Variants in CAPRIN1 observed in about 807,000 individuals in gnomAD.
The protein encoded by CAPRIN1 is cell cycle associated protein 1, also known as caprin-1.
A neutral mutation model predicts 100.9 loss-of-function variants in CAPRIN1; 29 were observed. That is an observed-to-expected ratio of 0.29 (90% confidence interval 0.21 to 0.39). CAPRIN1 has a LOEUF of 0.39. CAPRIN1 is among the 10% of genes least tolerant of loss of function. The pLI is 1.00. For missense variants in CAPRIN1, 795 were observed against 876.7 expected (o/e 0.91, Z 1.18); for synonymous variants, 338 against 307.5 (o/e 1.10, Z -1.04).
rs565017042 is a variant in CAPRIN1, at chr11:34,080,081, G to A, written c.826+316G>A. On this transcript the variant is annotated intron_variant, in intron 7 of 18. Transcript: ENST00000341394. ...TGTGACTACAGGCGCCCGCCACCAC[G>A]CCCGGCTATTTTTTTGAATTTTTAG... Among the ~76,000 whole-genome samples the A allele has an allele frequency of 1.1e-4, 17 of 151,984 alleles. No homozygotes were observed. The East Asian group carries it at 2.7e-3, about 24-fold the overall frequency.
intron 9 of CAPRIN1, among the ~76,000 whole-genome samples, chr11:34,084,197 G>T (rs1217807872): frequency 6.6e-6 from 1 of 151,514 alleles, no homozygotes; most frequent in Non-Finnish European, 1.5e-5. Flanking sequence ...CAAGTGATCT[G>T]CCCGTTTCAG....
In CAPRIN1 at chr11:34,099,413, G is replaced by A; in HGVS notation, c.*46G>A. On this transcript the variant is annotated 3_prime_UTR_variant, in exon 19 of 19. Coordinates refer to ENST00000341394, the MANE Select transcript of CAPRIN1 (RefSeq NM_005898.5). ...TTAATCGCCAAAAACACACTGGCCA[G>A]TGTACCATAATATGTTACCAGAAGA... 6.9e-7 allele frequency: 1 copy of A among 1,454,700 alleles called. No homozygotes were observed. Among genetic ancestry groups the A allele is most frequent in the Non-Finnish European group, 9.7e-7 (1 of 1,035,292 alleles). 90.1% of individuals were successfully genotyped at this position (1,454,700 alleles called of 1,614,324 possible).
intron 2 of CAPRIN1, among the ~76,000 whole-genome samples, chr11:34,069,554 T>TA (rs1426533699): frequency 6.6e-6 from 1 of 152,102 alleles, no homozygotes; most frequent in African/African-American, 2.4e-5. Flanking sequence ...TCTTCCCTTT[T>TA]AAAAAAGAGA....
intron 6 of CAPRIN1, 43 bp from the exon 7 acceptor site, chr11:34,079,585 C>T (rs1210836057): frequency 1.3e-6 from 2 of 1,549,128 alleles, no homozygotes; most frequent in Non-Finnish European, 8.9e-7. Context: ...AGCCAGGCAT[C>T]CTCAGATAAG....
Position 34,090,685 on chromosome 11 carries a change from A to T in CAPRIN1, c.1554+7A>T. On this transcript the variant is annotated splice_region_variant and intron_variant, in intron 14 of 18. Transcript: ENST00000341394. Reference sequence around the variant, plus strand: ...ATTCCAATCCATGCAAACGGTAAGCAAATTAACTAACATTAATTGCCTAGT... The same window carrying T: ...ATTCCAATCCATGCAAACGGTAAGCTAATTAACTAACATTAATTGCCTAGT... 1 of 1,610,518 alleles carries T rather than the reference A, an allele frequency of 6.2e-7. No individual in the cohort carries two copies. Among genetic ancestry groups the T allele is most frequent in the African/African-American group, 1.3e-5 (1 of 75,016 alleles).
rs1192291157 is a variant in CAPRIN1 at position 34,101,366 on chromosome 11, A to G, written c.*1999A>G. Reference sequence around the variant, plus strand: ...CTAGATGATGTATGCTTGCAGTCCTATATAAAACTAAATTTGCTATCTGTG... The same window carrying G: ...CTAGATGATGTATGCTTGCAGTCCTGTATAAAACTAAATTTGCTATCTGTG... On this transcript the variant is annotated 3_prime_UTR_variant, in exon 19 of 19. Coordinates refer to ENST00000341394, the MANE Select transcript of CAPRIN1 (RefSeq NM_005898.5). 6.6e-6 allele frequency among the ~76,000 whole-genome samples: 1 copy of G among 152,196 alleles called. No individual in the cohort carries two copies. The highest frequency in any genetic ancestry group is 6.5e-5 in the Admixed American group (1 of 15,288).
intron 9 of CAPRIN1, 70 bp from the exon 10 acceptor site, chr11:34,085,994 C>T: frequency 7.8e-7 from 1 of 1,279,574 alleles, no homozygotes; most frequent in East Asian, 2.3e-5. Flanking sequence ...TGTGGGGGAC[C>T]CATCATGGTG....
intron 6 of CAPRIN1, 117 bp from the exon 7 acceptor site, chr11:34,079,509 GTA>G (rs1850968729): frequency 1.7e-6 from 1 of 587,464 alleles, no homozygotes; most frequent in Admixed American, 3.0e-5. Flanking sequence ...CTTTTTATGT[GTA>G]TATGTGTTTT....
At chr11:34,097,128 A>G in intron 16 of CAPRIN1, 68 bp from the exon 17 acceptor site, 1 of 1,100,304 alleles carries the variant, frequency 9.1e-7, no homozygotes, top group South Asian at 1.3e-5. Flanking sequence ...TCCCGTCTTC[A>G]TTAATAAAAA....
At chr11:34,067,495 T>C (rs984673904) in intron 2 of CAPRIN1, among the ~76,000 whole-genome samples, 1 of 152,022 alleles carries the variant, frequency 6.6e-6, no homozygotes, top group Non-Finnish European at 1.5e-5. Context: ...CACAGTTGTT[T>C]TTTTTTTTTA....
chr11:34,083,171 C>T (rs1195196397), intron 9 of CAPRIN1, 130 bp downstream of exon 9: 2 of 645,902 alleles, frequency 3.1e-6, no homozygotes, highest in Admixed American at 5.6e-5. Context: ...CTCATTACAC[C>T]AGACTGTTAC....
chr11:34,091,932 T>A lies in CAPRIN1; in HGVS notation c.1581T>A (p.Pro527=). The A allele has an allele frequency of 1.9e-6, 3 of 1,613,622 alleles. No homozygotes were observed. Among genetic ancestry groups the A allele is most frequent in the Non-Finnish European group, 2.5e-6 (3 of 1,179,822 alleles). Residue 527 remains proline, a synonymous_variant, in exon 15 of 19, where the codon CCT becomes CCA. Coordinates refer to ENST00000341394, the MANE Select transcript of CAPRIN1 (RefSeq NM_005898.5). ...TGTTCAATATGAATGCCCCAGTTCC[T>A]CCTGTTAATGAACCAGAAACTTTAA... The part of the protein sequence containing the change: ...QTVFNMNAPV[P]PVNEPETLKQ...
chr11:34,092,014 C>T lies in CAPRIN1; in HGVS notation c.1663C>T (p.Gln555Ter). The change falls in exon 15 of 19, where the codon CAA becomes TAA. Residue 555 changes from glutamine (Q) to a stop codon, truncating the protein, a stop_gained. Coordinates refer to ENST00000341394, the MANE Select transcript of CAPRIN1 (RefSeq NM_005898.5). LOFTEE classifies it high-confidence loss of function. Reference sequence around the variant, plus strand: ...CCAGAGCTTTTCTAGTCAGCCTCACCAAGTAGAACAAACAGAGCTTCAGCA... The same window carrying T: ...CCAGAGCTTTTCTAGTCAGCCTCACTAAGTAGAACAAACAGAGCTTCAGCA... ...YNQSFSSQPH[Q>*]VEQTELQQEQ... 6.2e-7 allele frequency: 1 copy of T among 1,614,070 alleles called. No individual in the cohort carries two copies. Among genetic ancestry groups the T allele is most frequent in the Non-Finnish European group, 8.5e-7 (1 of 1,179,978 alleles).
At chr11:34,067,601 T>G (rs1850724936) in intron 2 of CAPRIN1, among the ~76,000 whole-genome samples, 1 of 151,824 alleles carries the variant, frequency 6.6e-6, no homozygotes, top group African/African-American at 2.4e-5. Flanking sequence ...GTGATCATCC[T>G]GTCTCAGCCT....
rs752214348 is a variant in CAPRIN1 at position 34,076,325 on chromosome 11, A to G, written c.456A>G (p.Leu152=). 14 of 1,614,090 alleles carry G rather than the reference A, an allele frequency of 8.7e-6. No individual in the cohort carries two copies. Among genetic ancestry groups the G allele is most frequent in the African/African-American group, 6.7e-5 (5 of 74,946 alleles). ...AACGTTTAAAAACTGTACTTGAGCT[A>G]CAGTATGTTTTGGACAAATTGGGAG... ...EQKRLKTVLE[L]QYVLDKLGDD... Residue 152 remains leucine, a synonymous_variant, in exon 5 of 19, where the codon CTA becomes CTG. Transcript: ENST00000341394.
chr11:34,099,472 T>G lies in CAPRIN1; in HGVS notation c.*105T>G. On this transcript the variant is annotated 3_prime_UTR_variant, in exon 19 of 19. Coordinates refer to ENST00000341394, the MANE Select transcript of CAPRIN1 (RefSeq NM_005898.5). The stretch of plus-strand genomic sequence containing the variant: ...CTATTTGTTCTCCCTTTCAGGAAAC[T>G]TATTGTAAAGGGACTGTTTTCATCC... The G allele has an allele frequency of 1.0e-6, 1 of 976,480 alleles. No homozygotes were observed. Among genetic ancestry groups the G allele is most frequent in the Non-Finnish European group, 1.6e-6 (1 of 621,482 alleles). 60.5% of individuals were successfully genotyped at this position (976,480 alleles called of 1,614,324 possible). A position where few individuals can be genotyped will look rare whatever the true frequency, so the allele number is the denominator to read the frequency against.
At chr11:34,086,581 A>G (rs996741819) in intron 11 of CAPRIN1, among the ~76,000 whole-genome samples, 168 bp downstream of exon 11, 4 of 152,246 alleles carry the variant, frequency 2.6e-5, no homozygotes, top group African/African-American at 4.8e-5. Context: ...ATTTGAATTA[A>G]AAATGTAGTT....
chr11:34,055,392 G>T (rs1448738891), intron 2 of CAPRIN1, among the ~76,000 whole-genome samples: 1 of 152,138 alleles, frequency 6.6e-6, no homozygotes, highest in African/African-American at 2.4e-5. Flanking sequence ...ATGTGATCTC[G>T]GTTCACTGCA....
At chr11:34,095,060 T>TTTGTTG (rs527773023) in intron 15 of CAPRIN1, among the ~76,000 whole-genome samples, 1 of 151,714 alleles carries the variant, frequency 6.6e-6, no homozygotes, top group Non-Finnish European at 1.5e-5. Context: ...TTTTTTGTAT[T>TTTGTTG]TTGTTGTTGT....
Sources: allele counts gnomAD v4.1 joint callset (sites outside exome capture counted in the v4.1 genomes callset), GRCh38; gene constraint gnomAD v4.1.1; transcripts MANE v1.5; gene names NCBI Gene and HGNC (gene_info 2026-07-23, HGNC 2026-07-21).